The following HIBADH variants were observed in gnomAD, a reference collection of about 807,000 sequenced individuals.
HIBADH encodes the protein 3-hydroxyisobutyrate dehydrogenase, mitochondrial.
A neutral mutation model predicts 36.1 loss-of-function variants in HIBADH; 25 were observed. The ratio of observed to expected loss-of-function variants is 0.69; its 90% confidence interval spans 0.50 to 0.97. The LOEUF is 0.97. Among genes scored for constraint, HIBADH ranks in the 50% least tolerant of loss-of-function variants. The probability of loss-of-function intolerance (pLI) is 0.00; values close to 1 mark genes in which losing one functional copy is unlikely to be tolerated. For synonymous variants in HIBADH, 160 were observed against 149.5 expected (o/e 1.07, Z -0.51); for missense variants, 421 against 418.0 (o/e 1.01, Z -0.06).
Position 27,525,992 on chromosome 7 carries a change from T to C in HIBADH, c.*222A>G. 3.1e-6 allele frequency: 1 copy of C among 327,500 alleles called. No homozygotes were observed. The highest frequency in any genetic ancestry group is 5.5e-6 in the Non-Finnish European group (1 of 181,446). 20.3% of individuals were successfully genotyped at this position (327,500 alleles called of 1,614,324 possible). A position where few individuals can be genotyped will look rare whatever the true frequency, so the allele number is the denominator to read the frequency against. On this transcript the variant is annotated 3_prime_UTR_variant, in exon 8 of 8. Transcript: ENST00000265395. ...TTGTAAAAAGGTCAATTAAGCTAGT[T>C]AGCAGAGACTATCAGTGGCTTGCAG...
At chr7:27,552,857 A>G (rs1784337107) in intron 4 of HIBADH, among the ~76,000 whole-genome samples, 1 of 152,242 alleles carries the variant, frequency 6.6e-6, no homozygotes, top group Non-Finnish European at 1.5e-5. Flanking sequence ...AAGTCACTGC[A>G]GCAGTTCCTC....
intron 4 of HIBADH, among the ~76,000 whole-genome samples, chr7:27,611,271 C>CTGGGCAAATCTACAGATGTAT (rs1357086207): frequency 6.6e-6 from 1 of 152,208 alleles, no homozygotes; most frequent in Non-Finnish European, 1.5e-5. Context: ...CTTAAGGTCT[C>CTGGGCAAATCTACAGATGTAT]TGGGCAAATC....
At chr7:27,562,906 CT>C (rs929130617) in intron 4 of HIBADH, among the ~76,000 whole-genome samples, 1 of 152,054 alleles carries the variant, frequency 6.6e-6, no homozygotes, top group Non-Finnish European at 1.5e-5. Context: ...ATCATCATTC[CT>C]TTTTTTATTT....
chr7:27,657,342 A>C (rs1297584369), intron 1 of HIBADH, among the ~76,000 whole-genome samples: 2 of 152,174 alleles, frequency 1.3e-5, no homozygotes, highest in Non-Finnish European at 2.9e-5. Context: ...AAATGAGGAA[A>C]CAAGAAAGCA....
At chr7:27,558,204 A>G (rs976130316) in intron 4 of HIBADH, among the ~76,000 whole-genome samples, 5 of 151,794 alleles carry the variant, frequency 3.3e-5, no homozygotes, top group Admixed American at 3.3e-4. Flanking sequence ...CAATGACTCT[A>G]TTTTTCTTGT....
At chr7:27,536,481 T>C (rs768363977) in intron 6 of HIBADH, among the ~76,000 whole-genome samples, 3 of 152,144 alleles carry the variant, frequency 2.0e-5, no homozygotes, top group Non-Finnish European at 2.9e-5. Context: ...AATTTTGTCA[T>C]AGTTGATCAG....
intron 4 of HIBADH, among the ~76,000 whole-genome samples, chr7:27,547,625 G>A (rs1236876145): frequency 6.6e-6 from 1 of 151,954 alleles, no homozygotes; most frequent in Admixed American, 6.6e-5. Context: ...AGATGCCAAG[G>A]ATTACAGACA....
intron 4 of HIBADH, among the ~76,000 whole-genome samples, chr7:27,610,486 T>C (rs1457533440): frequency 2.6e-5 from 4 of 152,194 alleles, no homozygotes; most frequent in Non-Finnish European, 4.4e-5. Context: ...CACTATGTTA[T>C]ACAACAGCTC....
At chr7:27,571,578 A>G (rs1332809056) in intron 4 of HIBADH, among the ~76,000 whole-genome samples, 1 of 152,122 alleles carries the variant, frequency 6.6e-6, no homozygotes, top group African/African-American at 2.4e-5. Flanking sequence ...TCTGTTTTGG[A>G]AACATCAGTA....
intron 4 of HIBADH, among the ~76,000 whole-genome samples, chr7:27,619,145 G>A (rs1562646624): frequency 6.6e-6 from 1 of 152,110 alleles, no homozygotes; most frequent in Non-Finnish European, 1.5e-5. Flanking sequence ...CTTCACCACA[G>A]CTTCCACTAA....
intron 4 of HIBADH, among the ~76,000 whole-genome samples, chr7:27,612,106 T>G (rs1785330980): frequency 6.6e-6 from 1 of 152,142 alleles, no homozygotes; most frequent in African/African-American, 2.4e-5. Context: ...TAAAGCCTTA[T>G]CCCTAGTGCC....
chr7:27,555,482 A>C (rs1784377475), intron 4 of HIBADH, among the ~76,000 whole-genome samples: 1 of 152,004 alleles, frequency 6.6e-6, no homozygotes, highest in African/African-American at 2.4e-5. Flanking sequence ...GTCTAGAGTC[A>C]AAATTTCAAC....
chr7:27,633,529 C>T (rs181753360), intron 2 of HIBADH, among the ~76,000 whole-genome samples: 8 of 152,088 alleles, frequency 5.3e-5, no homozygotes, highest in Admixed American at 2.6e-4. Flanking sequence ...TGTAGTGGGG[C>T]GCACCAGTAG....
At chr7:27,620,628 C>T (rs886744684) in intron 4 of HIBADH, among the ~76,000 whole-genome samples, 1 of 152,056 alleles carries the variant, frequency 6.6e-6, no homozygotes. Context: ...TTACCACTAG[C>T]CCAGCCCTAC....
At chr7:27,546,571 A>G (rs1287809048) in intron 4 of HIBADH, among the ~76,000 whole-genome samples, 1 of 152,180 alleles carries the variant, frequency 6.6e-6, no homozygotes, top group Non-Finnish European at 1.5e-5. Flanking sequence ...ACCTATAAAT[A>G]ACAGAAGTAG....
chr7:27,579,628 A>T (rs75994071), intron 4 of HIBADH, among the ~76,000 whole-genome samples: 1,957 of 152,304 alleles, frequency 0.013, 31 homozygotes, highest in Non-Finnish European at 0.02. Flanking sequence ...GTTACTCTGT[A>T]TCTCCACTTT....
chr7:27,629,277 A>C, intron 4 of HIBADH, 94 bp downstream of exon 4: 2 of 1,238,546 alleles, frequency 1.6e-6, no homozygotes, highest in Non-Finnish European at 1.1e-6. Flanking sequence ...CAAGTCTAAA[A>C]ATAACTACTA....
At chr7:27,642,744 C>T (rs1164690832) in intron 2 of HIBADH, among the ~76,000 whole-genome samples, 3 of 149,374 alleles carry the variant, frequency 2.0e-5, no homozygotes, top group South Asian at 2.1e-4. Flanking sequence ...CTCCGCCTCC[C>T]GGGTTCACGC....
chr7:27,571,140 T>C (rs545640715), intron 4 of HIBADH, among the ~76,000 whole-genome samples: 1 of 152,332 alleles, frequency 6.6e-6, no homozygotes, highest in Non-Finnish European at 1.5e-5. Flanking sequence ...CATTTATCTA[T>C]TAATTTTTAA....
Sources: gnomAD v4.1 joint callset for allele counts (sites outside exome capture counted in the v4.1 genomes callset) on GRCh38, gnomAD v4.1.1 for gene constraint, MANE v1.5 for transcripts, NCBI Gene and HGNC (gene_info 2026-07-23, HGNC 2026-07-21) for gene names.